Variants in HAAO observed in about 807,000 individuals in gnomAD.
HAAO encodes 3-hydroxyanthranilate oxygenase.
Under a neutral mutation model 46.2 loss-of-function variants are expected in HAAO, and 49 were observed. The ratio of observed to expected loss-of-function variants is 1.06; its 90% CI spans 0.84 to 1.34. The LOEUF (loss-of-function observed/expected upper bound fraction) is 1.34. HAAO is among the 40% of genes most tolerant of loss of function. The probability of loss-of-function intolerance (pLI) is 0.00; values close to 1 mark genes in which losing one functional copy is unlikely to be tolerated. For synonymous variants in HAAO, 157 were observed against 145.2 expected, an observed-to-expected ratio of 1.08 and a Z score of -0.58; for missense variants, 408 against 364.5, an observed-to-expected ratio of 1.12 and a Z score of -0.97.
chr2:42,773,530 C>G (rs1176593633), intron 4 of HAAO, among the ~76,000 whole-genome samples: 1 of 151,450 alleles, frequency 6.6e-6, no homozygotes, highest in Non-Finnish European at 1.5e-5. Flanking sequence ...CCCGAAATCA[C>G]TAAATTAAGG....
At chr2:42,773,646 G>A (rs1671321446) in intron 4 of HAAO, among the ~76,000 whole-genome samples, 1 of 150,240 alleles carries the variant, frequency 6.7e-6, no homozygotes, top group Non-Finnish European at 1.5e-5. Flanking sequence ...GAGCGCACTG[G>A]CGCGATCTTG....
intron 7 of HAAO, among the ~76,000 whole-genome samples, chr2:42,769,497 C>T (rs577896181): frequency 1.1e-4 from 16 of 152,302 alleles, no homozygotes; most frequent in African/African-American, 3.4e-4. Flanking sequence ...AGACTTCACT[C>T]GGAGCAGAGC....
chr2:42,792,303 C>T (rs1019250242), intron 1 of HAAO, among the ~76,000 whole-genome samples, 154 bp downstream of exon 1: 1 of 152,174 alleles, frequency 6.6e-6, no homozygotes, highest in Non-Finnish European at 1.5e-5. Context: ...GGAACCGGAA[C>T]AGCCTGTCTC....
At chr2:42,776,852 T>C (rs963898351) in intron 4 of HAAO, among the ~76,000 whole-genome samples, 8 of 150,762 alleles carry the variant, frequency 5.3e-5, no homozygotes, top group Non-Finnish European at 7.4e-5. Context: ...CAGGTGGCTA[T>C]TGAACTCCTG....
chr2:42,780,790 G>T (rs903640275), intron 4 of HAAO, among the ~76,000 whole-genome samples: 1 of 151,514 alleles, frequency 6.6e-6, no homozygotes. Context: ...ACTCCCGGCC[G>T]GGCGTGGTGG....
rs548981352 is a variant in HAAO at position 42,770,499 on chromosome 2, A to G, written c.434T>C (p.Ile145Thr). 5.2e-6 allele frequency: 8 copies of G among 1,549,450 alleles called. No individual in the cohort carries two copies. The South Asian group carries it at 6.0e-5, about 12-fold the overall frequency. The change falls in exon 5 of 10, where the codon ATC becomes ACC. Residue 145 changes from isoleucine to threonine, a missense_variant. By Grantham distance (89) the Ile-to-Thr change is moderately conservative. Coordinates refer to ENST00000294973, the MANE Select transcript of HAAO (RefSeq NM_012205.3). ...GGCTGGGCTGGGGGCTCACTCCTGG[A>G]TGATGGGGGCCAACTGCGTGCCGAG... ...KDLGTQLAPI[I>T]QEFFSSEQYR...
intron 1 of HAAO, among the ~76,000 whole-genome samples, chr2:42,789,522 T>G (rs1672633630): frequency 6.6e-6 from 1 of 152,112 alleles, no homozygotes; most frequent in Admixed American, 6.5e-5. Flanking sequence ...TGAGCTGAGA[T>G]TGCGCTACTG....
At chr2:42,770,056 A>G in intron 6 of HAAO, 87 bp downstream of exon 6, 3 of 1,322,004 alleles carry the variant, frequency 2.3e-6, no homozygotes, top group Non-Finnish European at 3.2e-6. Context: ...GTATTCAAAA[A>G]GAGACTCCCC....
intron 1 of HAAO, among the ~76,000 whole-genome samples, chr2:42,790,362 A>G (rs10204098): frequency 0.8 from 120,743 of 150,982 alleles, 48,646 homozygotes; most frequent in Middle Eastern, 0.93. Context: ...GGGAAGCCGC[A>G]AGGAACTTGA....
intron 4 of HAAO, among the ~76,000 whole-genome samples, chr2:42,781,680 C>T (rs893098902): frequency 2.0e-5 from 3 of 152,060 alleles, no homozygotes; most frequent in African/African-American, 7.2e-5. Flanking sequence ...CGAGACTAGC[C>T]TGGCCAACAT....
Position 42,788,537 on chromosome 2 carries a change from C to A in HAAO, c.151G>T (p.Gly51Cys). 4 of 1,600,952 alleles carry A rather than the reference C, an allele frequency of 2.5e-6. No individual in the cohort carries two copies. Among genetic ancestry groups the A allele is most frequent in the Non-Finnish European group, 2.6e-6 (3 of 1,168,178 alleles). The change falls in exon 2 of 10, where the codon GGT becomes TGT. Residue 51 changes from glycine to cysteine, a missense_variant. Coordinates refer to ENST00000294973, the MANE Select transcript of HAAO (RefSeq NM_012205.3). ...AGACCAGTCAAACCTACCTCTTCAC[C>A]CTCTTCGATGTGATAGTCCTTCCTG... The part of the protein sequence containing the change: ...NTRKDYHIEE[G>C]EEVFYQLEGD...
At position 42,783,430 on chromosome 2, in the gene HAAO, T is replaced by A; in HGVS notation, c.244-10A>T. 1 of 1,546,966 alleles carries A rather than the reference T, an allele frequency of 6.5e-7. No homozygotes were observed. Among genetic ancestry groups the A allele is most frequent in the Non-Finnish European group, 8.9e-7 (1 of 1,121,252 alleles). ...CAGGCAGGAGGAATATCTGCAGTGGTAGAGATAAGGTGCACAGTGAGGCTG... is the reference window on the plus strand; with the variant it reads ...CAGGCAGGAGGAATATCTGCAGTGGAAGAGATAAGGTGCACAGTGAGGCTG... On this transcript the variant is annotated splice_polypyrimidine_tract_variant and intron_variant, in intron 3 of 9. Transcript: ENST00000294973.
intron 1 of HAAO, among the ~76,000 whole-genome samples, chr2:42,791,255 G>C (rs569763140): frequency 6.6e-6 from 1 of 152,130 alleles, no homozygotes; most frequent in East Asian, 1.9e-4. Flanking sequence ...GGAGGTGGGC[G>C]TGGTACAGCA....
chr2:42,779,716 T>C (rs933800434), intron 4 of HAAO, among the ~76,000 whole-genome samples: 7 of 152,212 alleles, frequency 4.6e-5, no homozygotes, highest in Non-Finnish European at 1.0e-4. Flanking sequence ...AGTTATTACT[T>C]TGGTTAAATG....
At chr2:42,788,261 T>C (rs3816179) in intron 2 of HAAO, among the ~76,000 whole-genome samples, 121,435 of 152,242 alleles carry the variant, frequency 0.8, 48,767 homozygotes, top group Middle Eastern at 0.93. Flanking sequence ...GGATGCCCCA[T>C]GGCTAAAACC....
At chr2:42,775,321 G>A (rs942012008) in intron 4 of HAAO, among the ~76,000 whole-genome samples, 4 of 150,342 alleles carry the variant, frequency 2.7e-5, no homozygotes, top group Admixed American at 6.6e-5. Context: ...AAAGAAAGAT[G>A]AAAGATTTTG....
intron 4 of HAAO, among the ~76,000 whole-genome samples, chr2:42,781,874 C>CAA (rs200272527): frequency 2.2e-4 from 32 of 143,798 alleles, no homozygotes; most frequent in South Asian, 4.4e-4. Context: ...AACTTTGTCT[C>CAA]AAAAAAAAAA....
chr2:42,772,305 A>C (rs1671192088), intron 4 of HAAO, among the ~76,000 whole-genome samples: 1 of 152,074 alleles, frequency 6.6e-6, no homozygotes, highest in Non-Finnish European at 1.5e-5. Flanking sequence ...ACATGGTGAA[A>C]CCTCGTCTCT....
intron 3 of HAAO, 87 bp downstream of exon 3, chr2:42,783,697 C>T: frequency 8.6e-7 from 1 of 1,167,302 alleles, no homozygotes; most frequent in Non-Finnish European, 1.3e-6. Flanking sequence ...GAGGACAAGA[C>T]CTCAGCCAGG....
Sources: gnomAD v4.1 joint callset for allele counts (sites outside exome capture counted in the v4.1 genomes callset) on GRCh38, gnomAD v4.1.1 for gene constraint, MANE v1.5 for transcripts, NCBI Gene and HGNC (gene_info 2026-07-23, HGNC 2026-07-21) for gene names.